RYR3: variants seen among roughly 807,000 people sequenced by gnomAD.
The protein encoded by RYR3 is brain ryanodine receptor-calcium release channel.
A neutral mutation model predicts 584.3 loss-of-function variants in RYR3; 207 were observed. The ratio of observed to expected loss-of-function variants is 0.35; its 90% confidence interval spans 0.32 to 0.40. The LOEUF is 0.40. Among genes scored for constraint, RYR3 ranks in the 10% least tolerant of loss-of-function variants. RYR3 has a pLI of 1.00. For missense variants in RYR3, 5,616 were observed against 6,089.2 expected (o/e 0.92, Z 2.59); for synonymous variants, 2,416 against 2,248.5 (o/e 1.07, Z -2.11).
At chr15:33,395,419 G>T (rs572447335) in intron 1 of RYR3, among the ~76,000 whole-genome samples, 1 of 152,288 alleles carries the variant, frequency 6.6e-6, no homozygotes, top group African/African-American at 2.4e-5. Flanking sequence ...ACCACTTAGG[G>T]GTCTTTTATT....
At chr15:33,504,189 T>C (rs185481529) in intron 3 of RYR3, among the ~76,000 whole-genome samples, 2 of 152,340 alleles carry the variant, frequency 1.3e-5, no homozygotes, top group Admixed American at 1.3e-4. Context: ...GTCTTTGACA[T>C]GTGTCCAGAA....
At chr15:33,750,093 C>T (rs769848874) in intron 56 of RYR3, 39 bp downstream of exon 56, 63 of 1,607,228 alleles carry the variant, frequency 3.9e-5, no homozygotes, top group Middle Eastern at 3.3e-4. Context: ...GAAGCTGAAC[C>T]GGGGCAGCTA....
chr15:33,535,904 A>G (rs1595489458), intron 5 of RYR3, among the ~76,000 whole-genome samples: 1 of 152,338 alleles, frequency 6.6e-6, no homozygotes, highest in East Asian at 1.9e-4. Context: ...GGCGGAAGAC[A>G]GGGAGAGAAG....
Position 33,660,209 on chromosome 15 carries a change from C to T in RYR3, c.4408C>T (p.Leu1470=). ...ELGKLKNAMP[L]SAAIFRSEEK... The stretch of plus-strand genomic sequence containing the variant: ...CCACGTGCCCCAGAACGCAATGCCC[C>T]TGTCAGCGGCCATATTCAGGAGTGA... Residue 1470 remains leucine, a synonymous_variant, in exon 34 of 104, where the codon CTG becomes TTG. Transcript: ENST00000634891. 3 of 1,551,892 alleles carry T rather than the reference C, an allele frequency of 1.9e-6. No homozygotes were observed. Among genetic ancestry groups the T allele is most frequent in the South Asian group, 1.2e-5 (1 of 84,050 alleles).
intron 1 of RYR3, among the ~76,000 whole-genome samples, chr15:33,467,003 C>A (rs2018899): frequency 0.07 from 10,406 of 148,354 alleles, 410 homozygotes; most frequent in Non-Finnish European, 0.092. Context: ...TGTGTAGTCT[C>A]GTCATTCCAA....
At chr15:33,322,383 C>T (rs1235454133) in intron 1 of RYR3, among the ~76,000 whole-genome samples, 1 of 152,088 alleles carries the variant, frequency 6.6e-6, no homozygotes, top group Non-Finnish European at 1.5e-5. Context: ...GGAGGTGCCA[C>T]ACACTTTTAA....
chr15:33,459,056 G>A (rs779021766), intron 1 of RYR3, among the ~76,000 whole-genome samples: 4 of 152,142 alleles, frequency 2.6e-5, no homozygotes, highest in Non-Finnish European at 5.9e-5. Context: ...ATCCTCACTG[G>A]TGTCTGTGAC....
intron 38 of RYR3, among the ~76,000 whole-genome samples, chr15:33,685,208 G>T (rs568954432): frequency 6.6e-6 from 1 of 152,152 alleles, no homozygotes; most frequent in Non-Finnish European, 1.5e-5. Flanking sequence ...CCCATTTCAC[G>T]TGCAGAGACA....
Position 33,738,606 on chromosome 15 carries a change from T to A in RYR3, c.7656+16T>A. 1 of 1,612,976 alleles carries A rather than the reference T, an allele frequency of 6.2e-7. No individual in the cohort carries two copies. The highest frequency in any genetic ancestry group is 8.5e-7 in the Non-Finnish European group (1 of 1,179,522). ...CTCCCATAAGGTAATGACAGTACTT[T>A]CTGAACAAAAAGAGAGCATCTCAGT... On this transcript the variant is annotated intron_variant, in intron 50 of 103. Coordinates refer to ENST00000634891, the MANE Select transcript of RYR3 (RefSeq NM_001036.6).
At chr15:33,314,952 C>T (rs527928790) in intron 1 of RYR3, among the ~76,000 whole-genome samples, 1 of 143,968 alleles carries the variant, frequency 6.9e-6, no homozygotes, top group Admixed American at 6.7e-5. Flanking sequence ...CAAAAAAAAA[C>T]AACAACAACA....
At chr15:33,439,803 C>T (rs889336688) in intron 1 of RYR3, among the ~76,000 whole-genome samples, 3 of 152,014 alleles carry the variant, frequency 2.0e-5, no homozygotes, top group African/African-American at 7.3e-5. Flanking sequence ...TAACATATGG[C>T]AAATATACAC....
chr15:33,378,708 A>G (rs559509212), intron 1 of RYR3, among the ~76,000 whole-genome samples: 3 of 152,368 alleles, frequency 2.0e-5, no homozygotes, highest in African/African-American at 7.2e-5. Flanking sequence ...TCACGCCTGT[A>G]ATCCCAACAT....
chr15:33,861,023 C>G (rs1016285927), intron 101 of RYR3, 55 bp from the exon 102 acceptor site: 1 of 1,284,904 alleles, frequency 7.8e-7, no homozygotes. Flanking sequence ...TGACAGTTTT[C>G]TCTCCTGCCT....
At chr15:33,337,564 A>AT (rs34484963) in intron 1 of RYR3, among the ~76,000 whole-genome samples, 90,483 of 151,246 alleles carry the variant, frequency 0.6, 27,005 homozygotes, top group Middle Eastern at 0.63. Context: ...TCCAAGTGCC[A>AT]TTTTTTTTTG....
At chr15:33,686,515 G>T (rs1047174370) in intron 38 of RYR3, among the ~76,000 whole-genome samples, 1 of 152,126 alleles carries the variant, frequency 6.6e-6, no homozygotes, top group Non-Finnish European at 1.5e-5. Flanking sequence ...GAGCTGGTAC[G>T]ATTCCTTTGG....
intron 8 of RYR3, among the ~76,000 whole-genome samples, chr15:33,545,760 A>C (rs2056190847): frequency 6.6e-6 from 1 of 152,176 alleles, no homozygotes; most frequent in Non-Finnish European, 1.5e-5. Flanking sequence ...GCATGATAGA[A>C]TAGGAAACAG....
At chr15:33,342,804 A>C (rs1284984111) in intron 1 of RYR3, among the ~76,000 whole-genome samples, 2 of 152,176 alleles carry the variant, frequency 1.3e-5, no homozygotes, top group Admixed American at 6.5e-5. Flanking sequence ...AACCATTTCC[A>C]AAAGAAAAAG....
At position 33,442,195 on chromosome 15, in the gene RYR3, A is replaced by G. The variant is rs946138186; in HGVS notation, c.52-31224A>G. Among the ~76,000 whole-genome samples, 8 of 152,338 alleles carry G rather than the reference A, an allele frequency of 5.3e-5. No homozygotes were observed. In the East Asian group the frequency reaches 1.3e-3, roughly 26 times the overall value. On this transcript the variant is annotated intron_variant, in intron 1 of 103. Transcript: ENST00000634891. ...CATTTCTATGTGAAAGTTGACTCCA[A>G]TGATACATTAATTAATGTAATAAAT...
chr15:33,503,417 G>A (rs2052180376), intron 2 of RYR3, among the ~76,000 whole-genome samples: 1 of 152,124 alleles, frequency 6.6e-6, no homozygotes, highest in Non-Finnish European at 1.5e-5. Context: ...TGACATGTTG[G>A]AAACTATTCC....
Sources: gnomAD v4.1 joint callset for allele counts (sites outside exome capture counted in the v4.1 genomes callset) on GRCh38, gnomAD v4.1.1 for gene constraint, MANE v1.5 for transcripts, NCBI Gene and HGNC (gene_info 2026-07-23, HGNC 2026-07-21) for gene names.